The following DNAJB5 variants were observed in gnomAD, a reference collection of about 807,000 sequenced individuals.
DNAJB5 encodes the protein dnaJ homolog subfamily B member 5.
DNAJB5 carries 12 observed loss-of-function variants against 32.6 expected under a neutral mutation model. That is an observed-to-expected ratio of 0.37 (90% CI 0.24 to 0.60). The LOEUF (loss-of-function observed/expected upper bound fraction) is 0.60, where lower values mean the gene tolerates loss of function less well. DNAJB5 is among the 20% of genes least tolerant of loss of function. The probability of loss-of-function intolerance (pLI) is 0.71; values close to 1 mark genes in which losing one functional copy is unlikely to be tolerated. For synonymous variants in DNAJB5, 188 were observed against 212.9 expected (o/e 0.88, Z 1.02); for missense variants, 358 against 554.2 (o/e 0.65, Z 3.55).
rs915958352 is a variant in DNAJB5 at position 34,990,662 on chromosome 9, C to A, written c.32C>A (p.Pro11His). The A allele has an allele frequency of 6.4e-7, 1 of 1,551,572 alleles. No individual in the cohort carries two copies. Among genetic ancestry groups the A allele is most frequent in the African/African-American group, 1.4e-5 (1 of 73,030 alleles). Reference protein sequence around the residue: MFKRTVLSCPPPAAPPLQARG... With the variant: MFKRTVLSCPHPAAPPLQARG... ...AAGCGCACAGTGCTCTCCTGCCCAC[C>A]CCCAGCAGCACCCCCACTGCAGGCC... Residue 11 changes from proline to histidine, a missense_variant, in exon 2 of 5, where the codon CCC becomes CAC. By Grantham distance (77) the Pro-to-His change is moderately conservative. This residue lies in a region of DNAJB5 where 110 missense variants were observed against 111.7 expected (regional missense o/e 0.99). Transcript: ENST00000682809. The surrounding 1 kb of genome is among the most constrained non-coding windows in gnomAD (Gnocchi z 4.5).
In DNAJB5 at chr9:34,996,215, G is replaced by A. The variant is rs912938424; in HGVS notation, c.428-50G>A. 3.2e-6 allele frequency: 5 copies of A among 1,570,402 alleles called. No individual in the cohort carries two copies. In the African/African-American group the frequency reaches 6.8e-5, roughly 21 times the overall value. On this transcript the variant is annotated intron_variant, in intron 3 of 4. Transcript: ENST00000682809. The surrounding 1 kb of genome is among the most constrained non-coding windows in gnomAD (Gnocchi z 7.2). ...CTAGAGGGCAGGGGGAAGACACTGG[G>A]ATTGGGGCCAGAATAAGCCACACTG... is the stretch of plus-strand genomic sequence containing the variant.
At position 34,993,219 on chromosome 9, in the gene DNAJB5, G is replaced by A; in HGVS notation, c.202G>A (p.Gly68Ser). The A allele has an allele frequency of 6.2e-7, 1 of 1,613,974 alleles. No individual in the cohort carries two copies. The highest frequency in any genetic ancestry group is 8.5e-7 in the Non-Finnish European group (1 of 1,179,960). ...VKFRNKETSA[G>S]PVAVMGKDYY... The stretch of plus-strand genomic sequence containing the variant: ...TTTCAGAAACAAGGAGACCAGTGCT[G>A]GTCCAGTGGCTGTGATGGGAAAAGA... Residue 68 changes from glycine to serine, a missense_variant, in exon 3 of 5, where the codon GGT (glycine) becomes AGT (serine). Around this residue, in one of 2 missense-constraint regions of DNAJB5, gnomAD observed 110 missense variants for 111.7 expected, o/e 0.99. Coordinates refer to ENST00000682809, the MANE Select transcript of DNAJB5 (RefSeq NM_001349723.3). This position sits in a 1 kb window ranked among gnomAD's most constrained non-coding sequence, Gnocchi z 4.7.
intron 3 of DNAJB5, among the ~76,000 whole-genome samples, chr9:34,994,242 C>T (rs974239364): frequency 1.3e-5 from 2 of 152,242 alleles, no homozygotes; most frequent in Non-Finnish European, 2.9e-5. Context: ...TGTCCTTCCT[C>T]CCCAACAGAA....
rs766778685 is a variant in DNAJB5, at chr9:34,993,154, G to A, written c.183-46G>A. Reference sequence around the variant, plus strand: ...TTGCAAGATCATCAGGAACAGGGCTGGGGCAGAAGAGAAGGCATCAAGTCT... The same window carrying A: ...TTGCAAGATCATCAGGAACAGGGCTAGGGCAGAAGAGAAGGCATCAAGTCT... On this transcript the variant is annotated intron_variant, in intron 2 of 4. Coordinates refer to ENST00000682809, the MANE Select transcript of DNAJB5 (RefSeq NM_001349723.3). The surrounding 1 kb of genome is among the most constrained non-coding windows in gnomAD (Gnocchi z 4.7). 1 of 1,569,556 alleles carries A rather than the reference G, an allele frequency of 6.4e-7. No individual in the cohort carries two copies. The highest frequency in any genetic ancestry group is 2.0e-5 in the Admixed American group (1 of 50,692).
chr9:34,997,047 A>C lies in DNAJB5; in HGVS notation c.1051A>C (p.Asn351His). The change falls in exon 5 of 5, where the codon AAC becomes CAC. Residue 351 changes from asparagine to histidine, a missense_variant. Physicochemically the swap from Asn to His is moderately conservative, Grantham distance 68. This residue lies in a region of DNAJB5 where 248 missense variants were observed against 442.6 expected (regional missense o/e 0.56). Coordinates refer to ENST00000682809, the MANE Select transcript of DNAJB5 (RefSeq NM_001349723.3). This position sits in a 1 kb window ranked among gnomAD's most constrained non-coding sequence, Gnocchi z 4.1. Reference sequence around the variant, plus strand: ...CCAGGCGCTGTGTGGCTGCACTGTGAACATTCCCACTATCGACGGCCGAGT... The same window carrying C: ...CCAGGCGCTGTGTGGCTGCACTGTGCACATTCCCACTATCGACGGCCGAGT... ...LKEALCGCTV[N>H]IPTIDGRVIP... The C allele has an allele frequency of 6.2e-7, 1 of 1,613,614 alleles. No homozygotes were observed. Among genetic ancestry groups the C allele is most frequent in the Non-Finnish European group, 8.5e-7 (1 of 1,180,030 alleles).
Position 34,990,969 on chromosome 9 carries a change from T to G in DNAJB5, c.182+157T>G. 1.4e-6 allele frequency: 1 copy of G among 689,952 alleles called. No individual in the cohort carries two copies. Among genetic ancestry groups the G allele is most frequent in the Non-Finnish European group, 2.4e-6 (1 of 419,750 alleles). The allele number at this position is 689,952 out of a possible 1,614,324, so 42.7% of individuals were successfully genotyped here. A position where few individuals can be genotyped will look rare whatever the true frequency, so the allele number is the denominator to read the frequency against. On this transcript the variant is annotated intron_variant, in intron 2 of 4. Transcript: ENST00000682809. This position sits in a 1 kb window ranked among gnomAD's most constrained non-coding sequence, Gnocchi z 4.5. ...GGCCTCACCCACATATTTGAATGAATTGCACCCCTTATCATTCCTTTTCTC... is the reference window on the plus strand; with the variant it reads ...GGCCTCACCCACATATTTGAATGAAGTGCACCCCTTATCATTCCTTTTCTC...
Position 34,990,092 on chromosome 9 carries a change from C to T in DNAJB5, c.-133+261C>T, listed in dbSNP as rs1228674346. On this transcript the variant is annotated intron_variant, in intron 1 of 4. Transcript: ENST00000682809. This position sits in a 1 kb window ranked among gnomAD's most constrained non-coding sequence, Gnocchi z 4.5. The stretch of plus-strand genomic sequence containing the variant: ...CAGATTGGGTTCTGTGGGGCGGAGG[C>T]ATCTGTGAGCAGACCAGCCAGCCAG... 41 of 724,366 alleles carry T rather than the reference C, an allele frequency of 5.7e-5. No individual in the cohort carries two copies. Among genetic ancestry groups the T allele is most frequent in the Non-Finnish European group, 8.7e-5 (40 of 459,632 alleles). 44.9% of individuals were successfully genotyped at this position (724,366 alleles called of 1,614,324 possible). A position where few individuals can be genotyped will look rare whatever the true frequency, so the allele number is the denominator to read the frequency against.
At position 34,996,108 on chromosome 9, in the gene DNAJB5, A is replaced by G. The variant is rs1827784033; in HGVS notation, c.428-157A>G. Among the ~76,000 whole-genome samples, 1 of 152,202 alleles carries G rather than the reference A, an allele frequency of 6.6e-6. No homozygotes were observed. The highest frequency in any genetic ancestry group is 1.5e-5 in the Non-Finnish European group (1 of 68,038). On this transcript the variant is annotated intron_variant, in intron 3 of 4. Transcript: ENST00000682809. This position sits in a 1 kb window ranked among gnomAD's most constrained non-coding sequence, Gnocchi z 7.2. The stretch of plus-strand genomic sequence containing the variant: ...ATTAGGAATGGAAGATAATCTTGCC[A>G]GAAGCCTTTCTTACTCTATTAGCCT...
Position 34,997,352 on chromosome 9 carries a change from G to A in DNAJB5, c.*93G>A, listed in dbSNP as rs759958343. 1 of 1,365,980 alleles carries A rather than the reference G, an allele frequency of 7.3e-7. No individual in the cohort carries two copies. Among genetic ancestry groups the A allele is most frequent in the Non-Finnish European group, 1.0e-6 (1 of 957,876 alleles). The allele number at this position is 1,365,980 out of a possible 1,614,324, so 84.6% of individuals were successfully genotyped here. A position where few individuals can be genotyped will look rare whatever the true frequency, so the allele number is the denominator to read the frequency against. ...CCCAGCTTGATGTCCACTGGACACT[G>A]GCAACTTTTTCTAAAATGCAAAAAA... On this transcript the variant is annotated 3_prime_UTR_variant, in exon 5 of 5. Transcript: ENST00000682809. The surrounding 1 kb of genome is among the most constrained non-coding windows in gnomAD (Gnocchi z 4.1).
Position 34,996,191 on chromosome 9 carries a change from TAGAGG to T in DNAJB5, c.428-73_428-69del. ...TTCTTTAAGCCTGTGAACTGGGAGC[TAGAGG>T]GCAGGGGGAAGACACTGGGATTGGG... On this transcript the variant is annotated intron_variant, in intron 3 of 4. Coordinates refer to ENST00000682809, the MANE Select transcript of DNAJB5 (RefSeq NM_001349723.3). The surrounding 1 kb of genome is among the most constrained non-coding windows in gnomAD (Gnocchi z 7.2). 6.5e-7 allele frequency: 1 copy of T among 1,538,952 alleles called. No individual in the cohort carries two copies. The highest frequency in any genetic ancestry group is 8.7e-7 in the Non-Finnish European group (1 of 1,144,866).
Position 34,996,161 on chromosome 9 carries a change from C to CT in DNAJB5, c.428-102dup. On this transcript the variant is annotated intron_variant, in intron 3 of 4. Transcript: ENST00000682809. This position sits in a 1 kb window ranked among gnomAD's most constrained non-coding sequence, Gnocchi z 7.2. ...CCCTCTCTGTGGGATTTAAAGGTTG[C>CT]TTCTTTCTTTAAGCCTGTGAACTGG... 6.8e-7 allele frequency: 1 copy of CT among 1,463,490 alleles called. No homozygotes were observed. The highest frequency in any genetic ancestry group is 9.1e-7 in the Non-Finnish European group (1 of 1,100,934). The allele number at this position is 1,463,490 out of a possible 1,614,324, so 90.7% of individuals were successfully genotyped here.
chr9:34,992,379 G>C (rs1178158212), intron 2 of DNAJB5: 2 of 152,214 alleles, frequency 1.3e-5, no homozygotes, highest in Admixed American at 6.5e-5. Flanking sequence ...CCTAACAGCT[G>C]GGGTTGAAAA....
rs758818862 is a variant in DNAJB5, at chr9:34,990,699, C to CAAAA, written c.69_70insAAAA (p.Arg24LysfsTer19). 1 of 1,551,724 alleles carries CAAAA rather than the reference C, an allele frequency of 6.4e-7. No homozygotes were observed. Among genetic ancestry groups the CAAAA allele is most frequent in the South Asian group, 1.2e-5 (1 of 84,058 alleles). The stretch of plus-strand genomic sequence containing the variant: ...CCCCACTGCAGGCCCGAGGAGCTTT[C>CAAAA]CGGAGCTTCCCACACTCCTGGGGAG... On this transcript the variant is annotated frameshift_variant, in exon 2 of 5. Coordinates refer to ENST00000682809, the MANE Select transcript of DNAJB5 (RefSeq NM_001349723.3). LOFTEE classifies it high-confidence loss of function. The surrounding 1 kb of genome is among the most constrained non-coding windows in gnomAD (Gnocchi z 4.5).
In DNAJB5 at chr9:34,990,722, GAGA is replaced by G. The variant is rs1471061984; in HGVS notation, c.96_98del (p.Glu32del). ...TTCCGGAGCTTCCCACACTCCTGGGGAGAAGACTTCTTAGCCAGCTTGATGTTT... is the reference window on the plus strand; with the variant it reads ...TTCCGGAGCTTCCCACACTCCTGGGGAGACTTCTTAGCCAGCTTGATGTTT... On this transcript the variant is annotated inframe_deletion, in exon 2 of 5. Transcript: ENST00000682809. The surrounding 1 kb of genome is among the most constrained non-coding windows in gnomAD (Gnocchi z 4.5). 6.4e-7 allele frequency: 1 copy of G among 1,551,732 alleles called. No individual in the cohort carries two copies.
At chr9:34,991,615 A>AC (rs71844640) in intron 2 of DNAJB5, 52,440 of 109,554 alleles carry the variant, frequency 0.48, 11,068 homozygotes, top group Non-Finnish European at 0.51. Flanking sequence ...ATGGCAGACC[A>AC]CCCCCCCCCG....
chr9:34,993,318 T>C lies in DNAJB5; in HGVS notation c.301T>C (p.Leu101=). Residue 101 remains leucine (L), a synonymous_variant, in exon 3 of 5, where the codon TTG becomes CTG. Coordinates refer to ENST00000682809, the MANE Select transcript of DNAJB5 (RefSeq NM_001349723.3). This position sits in a 1 kb window ranked among gnomAD's most constrained non-coding sequence, Gnocchi z 4.7. ...CAAGAAAGCCTACCGGAAGATGGCC[T>C]TGAAGTACCACCCAGACAAGAATAA... ...EIKKAYRKMA[L]KYHPDKNKEP... 6.2e-7 allele frequency: 1 copy of C among 1,614,114 alleles called. No individual in the cohort carries two copies. The highest frequency in any genetic ancestry group is 1.1e-5 in the South Asian group (1 of 91,072).
rs184732645 is a variant in DNAJB5 at position 34,995,113 on chromosome 9, G to A, written c.428-1152G>A. Reference sequence around the variant, plus strand: ...GAAAGGAGAGATCCTAGGTCTTGGGGGAGGGGTGAAGAGGCAGCTGCCACA... The same window carrying A: ...GAAAGGAGAGATCCTAGGTCTTGGGAGAGGGGTGAAGAGGCAGCTGCCACA... On this transcript the variant is annotated intron_variant, in intron 3 of 4. Coordinates refer to ENST00000682809, the MANE Select transcript of DNAJB5 (RefSeq NM_001349723.3). 6.1e-3 allele frequency among the ~76,000 whole-genome samples: 933 copies of A among 152,256 alleles called. 10 individuals are homozygous for A. Among genetic ancestry groups the A allele is most frequent in the African/African-American group, 0.02 (850 of 41,538 alleles).
Position 34,990,867 on chromosome 9 carries a change from C to A in DNAJB5, c.182+55C>A. 3 of 1,493,582 alleles carry A rather than the reference C, an allele frequency of 2.0e-6. No individual in the cohort carries two copies. The highest frequency in any genetic ancestry group is 2.7e-5 in the South Asian group (2 of 75,128). 92.5% of individuals were successfully genotyped at this position (1,493,582 alleles called of 1,614,324 possible). A position where few individuals can be genotyped will look rare whatever the true frequency, so the allele number is the denominator to read the frequency against. On this transcript the variant is annotated intron_variant, in intron 2 of 4. Coordinates refer to ENST00000682809, the MANE Select transcript of DNAJB5 (RefSeq NM_001349723.3). The surrounding 1 kb of genome is among the most constrained non-coding windows in gnomAD (Gnocchi z 4.5). ...CCCATACCCAGTCAAACCCTCCACGCGGCCATCCCCTCCATTGCCTTCCTG... is the reference window on the plus strand; with the variant it reads ...CCCATACCCAGTCAAACCCTCCACGAGGCCATCCCCTCCATTGCCTTCCTG...
Position 34,990,759 on chromosome 9 carries a change from G to C in DNAJB5, c.129G>C (p.Gln43His). The C allele has an allele frequency of 6.4e-7, 1 of 1,551,674 alleles. No individual in the cohort carries two copies. The highest frequency in any genetic ancestry group is 8.7e-7 in the Non-Finnish European group (1 of 1,146,988). Reference protein sequence around the residue: ...DFLASLMFKIQLEPLKLRAWT... With the variant: ...DFLASLMFKIHLEPLKLRAWT... ...TAGCCAGCTTGATGTTTAAAATTCA[G>C]CTGGAGCCCTTAAAACTTCGAGCGT... The change falls in exon 2 of 5, where the codon CAG becomes CAC. Residue 43 changes from glutamine (Q) to histidine (H), a missense_variant. Gln to His is a conservative substitution (Grantham distance 24, BLOSUM62 0). This residue lies in a region of DNAJB5 where 110 missense variants were observed against 111.7 expected (regional missense o/e 0.99). Transcript: ENST00000682809. The surrounding 1 kb of genome is among the most constrained non-coding windows in gnomAD (Gnocchi z 4.5).
Sources: gnomAD v4.1 joint callset for allele counts (sites outside exome capture counted in the v4.1 genomes callset) on GRCh38, gnomAD v4.1.1 for gene constraint, gnomAD v4.1.1 regional missense constraint, Gnocchi (gnomAD v3.1) non-coding constraint, MANE v1.5 for transcripts, NCBI Gene and HGNC (gene_info 2026-07-23, HGNC 2026-07-21) for gene names.